Variants in MYO5C observed in about 807,000 individuals in gnomAD.
MYO5C encodes unconventional myosin-Vc.
In MYO5C, 194 loss-of-function variants were observed where a neutral mutation model predicts 235.7. That is an observed-to-expected ratio of 0.82 (90% CI 0.73 to 0.93). The LOEUF (loss-of-function observed/expected upper bound fraction) is 0.93. MYO5C is among the 40% of genes least tolerant of loss of function. The probability of loss-of-function intolerance (pLI) is 0.00; values close to 1 mark genes in which losing one functional copy is unlikely to be tolerated. For synonymous variants in MYO5C, 707 were observed against 754.8 expected (o/e 0.94, Z 1.04); for missense variants, 2,038 against 2,127.2 (o/e 0.96, Z 0.82).
chr15:52,280,122 G>A (rs1056116363), intron 2 of MYO5C, among the ~76,000 whole-genome samples: 9 of 152,244 alleles, frequency 5.9e-5, no homozygotes, highest in Admixed American at 5.2e-4. Flanking sequence ...AAATGACACA[G>A]TGACCTACGG....
At chr15:52,259,632 G>A (rs972196004) in intron 10 of MYO5C, among the ~76,000 whole-genome samples, 1 of 152,160 alleles carries the variant, frequency 6.6e-6, no homozygotes, top group African/African-American at 2.4e-5. Flanking sequence ...ACACTTTCTG[G>A]GAAGAAGACA....
intron 21 of MYO5C, among the ~76,000 whole-genome samples, chr15:52,238,877 G>C (rs1051497080): frequency 6.6e-6 from 1 of 151,676 alleles, no homozygotes; most frequent in South Asian, 2.1e-4. Flanking sequence ...TCCTGACCTC[G>C]TGATCCACCC....
chr15:52,272,822 G>A lies in MYO5C; in HGVS notation c.607-99C>T, dbSNP rs1231548739. On this transcript the variant is annotated intron_variant, in intron 5 of 40. Coordinates refer to ENST00000261839, the MANE Select transcript of MYO5C (RefSeq NM_018728.4). ...AGTAAAAGGCAATCCTGTACCCTAG[G>A]GGAAGGTCTGATTGGCAGAGGGAAG... 3.3e-6 allele frequency: 4 copies of A among 1,219,440 alleles called. No individual in the cohort carries two copies. In the African/African-American group the frequency reaches 6.1e-5, roughly 19 times the overall value. The allele number at this position is 1,219,440 out of a possible 1,614,324, so 75.5% of individuals were successfully genotyped here. A position where few individuals can be genotyped will look rare whatever the true frequency, so the allele number is the denominator to read the frequency against.
chr15:52,259,063 A>G (rs533831624), intron 10 of MYO5C, among the ~76,000 whole-genome samples: 5 of 152,256 alleles, frequency 3.3e-5, no homozygotes, highest in African/African-American at 1.2e-4. Context: ...GGAGCCGTAC[A>G]TCTATGCTGT....
Position 52,237,494 on chromosome 15 carries a change from A to G in MYO5C, c.2856T>C (p.Asp952=). ...GCCCGCAGCTGACCTCTTCCACAGC[A>G]TCCCTGTATCTCTTCCCCTTCTCCT... ...NYEEKGKRYR[D]AVEEKLAKLQ... is the part of the protein sequence containing the mutation. The change falls in exon 22 of 41, where the codon GAT becomes GAC. Residue 952 remains aspartate, a synonymous_variant. Transcript: ENST00000261839. 1 of 1,614,032 alleles carries G rather than the reference A, an allele frequency of 6.2e-7. No individual in the cohort carries two copies. The highest frequency in any genetic ancestry group is 8.5e-7 in the Non-Finnish European group (1 of 1,179,938).
rs781715723 is a variant in MYO5C at position 52,218,516 on chromosome 15, C to T, written c.3954+3G>A. 1.9e-6 allele frequency: 3 copies of T among 1,613,944 alleles called. No homozygotes were observed. The highest frequency in any genetic ancestry group is 3.3e-5 in the Admixed American group (2 of 60,006). On this transcript the variant is annotated splice_donor_region_variant and intron_variant, in intron 32 of 40. Coordinates refer to ENST00000261839, the MANE Select transcript of MYO5C (RefSeq NM_018728.4). ...TTTATCACCAAGTTAGAAGACTTCTCACCCTGTTTTCCAAAGTGAGCCGGG... is the reference window on the plus strand; with the variant it reads ...TTTATCACCAAGTTAGAAGACTTCTTACCCTGTTTTCCAAAGTGAGCCGGG...
At position 52,245,353 on chromosome 15, in the gene MYO5C, C is replaced by T; in HGVS notation, c.2178+1G>A. ...TGATCCCAGGAGGTGGGGAAACTGA[C>T]CTGGATGAGTCTGTGTAAAACCACC... On this transcript the variant is annotated splice_donor_variant, in intron 18 of 40. Transcript: ENST00000261839. LOFTEE classifies it high-confidence loss of function. 3 of 1,607,258 alleles carry T rather than the reference C, an allele frequency of 1.9e-6. No homozygotes were observed. The highest frequency in any genetic ancestry group is 2.6e-6 in the Non-Finnish European group (3 of 1,173,766).
In MYO5C at chr15:52,291,731, GTTTT is replaced by G. The variant is rs1196328559; in HGVS notation, c.27+3875_27+3878del. On this transcript the variant is annotated intron_variant, in intron 1 of 40. Transcript: ENST00000261839. ...TTTTTTCTTTGTTTGCATATTTTATGTTTTTTTTTTTTTTTTTTTTTTTTTGAGA... is the reference window on the plus strand; with the variant it reads ...TTTTTTCTTTGTTTGCATATTTTATGTTTTTTTTTTTTTTTTTTTTTGAGA... Among the ~76,000 whole-genome samples, 190 of 52,542 alleles carry G rather than the reference GTTTT, an allele frequency of 3.6e-3. 1 individual carries two copies. The highest frequency in any genetic ancestry group is 0.012 in the East Asian group (30 of 2,498). 34.5% of individuals were successfully genotyped at this position (52,542 alleles called of 152,430 possible). A position where few individuals can be genotyped will look rare whatever the true frequency, so the allele number is the denominator to read the frequency against.
chr15:52,225,957 G>A (rs1192134689), intron 25 of MYO5C, among the ~76,000 whole-genome samples: 3 of 152,026 alleles, frequency 2.0e-5, no homozygotes, highest in Non-Finnish European at 4.4e-5. Context: ...GGCTGAGGCA[G>A]GAGAATCGCT....
chr15:52,253,951 T>C (rs1173600154), intron 11 of MYO5C, among the ~76,000 whole-genome samples: 1 of 117,752 alleles, frequency 8.5e-6, no homozygotes, highest in Non-Finnish European at 1.6e-5. Context: ...AGGCTTACCA[T>C]GGAGGATGAA....
intron 35 of MYO5C, among the ~76,000 whole-genome samples, chr15:52,210,486 G>A (rs925216832): frequency 6.6e-6 from 1 of 152,042 alleles, no homozygotes. Context: ...TCCCAGAAAC[G>A]GGTACTTTTT....
chr15:52,279,680 G>T lies in MYO5C; in HGVS notation c.139-6C>A. On this transcript the variant is annotated splice_polypyrimidine_tract_variant and splice_region_variant and intron_variant, in intron 2 of 40. Coordinates refer to ENST00000261839, the MANE Select transcript of MYO5C (RefSeq NM_018728.4). Reference sequence around the variant, plus strand: ...TTGACAGAATAATCCAGCTCCTATGGACAAAGATAAAAATTAAAGCTCTGG... The same window carrying T: ...TTGACAGAATAATCCAGCTCCTATGTACAAAGATAAAAATTAAAGCTCTGG... 2 of 1,600,438 alleles carry T rather than the reference G, an allele frequency of 1.2e-6. No individual in the cohort carries two copies. Among genetic ancestry groups the T allele is most frequent in the Non-Finnish European group, 1.7e-6 (2 of 1,169,092 alleles).
At chr15:52,275,359 T>C (rs1272897134) in intron 5 of MYO5C, among the ~76,000 whole-genome samples, 1 of 152,172 alleles carries the variant, frequency 6.6e-6, no homozygotes, top group African/African-American at 2.4e-5. Flanking sequence ...GCCCAGCAGG[T>C]AGAGCAGAAG....
intron 21 of MYO5C, 44 bp downstream of exon 21, chr15:52,239,689 A>G (rs750861974): frequency 4.5e-6 from 7 of 1,552,848 alleles, no homozygotes; most frequent in Non-Finnish European, 6.1e-6. Context: ...AACTACAGCC[A>G]TGTAAGAAAA....
intron 37 of MYO5C, 81 bp downstream of exon 37, chr15:52,205,735 C>T (rs2035297363): frequency 3.6e-6 from 3 of 834,974 alleles, no homozygotes; most frequent in Non-Finnish European, 5.4e-6. Context: ...CACATAATCA[C>T]ACATTACACA....
intron 13 of MYO5C, among the ~76,000 whole-genome samples, chr15:52,249,984 T>C (rs1288761730): frequency 1.3e-5 from 2 of 152,182 alleles, no homozygotes; most frequent in Non-Finnish European, 2.9e-5. Context: ...GGGAGACTTC[T>C]TGGAAGTGGC....
At position 52,263,500 on chromosome 15, in the gene MYO5C, T is replaced by C. The variant is rs146204946; in HGVS notation, c.1047+690A>G. Among the ~76,000 whole-genome samples the C allele has an allele frequency of 4.9e-3, 739 of 152,276 alleles. 3 individuals carry two copies. Among genetic ancestry groups the C allele is most frequent in the African/African-American group, 0.017 (708 of 41,536 alleles). On this transcript the variant is annotated intron_variant, in intron 9 of 40. Coordinates refer to ENST00000261839, the MANE Select transcript of MYO5C (RefSeq NM_018728.4). ...TAGTGGGTGTCCTTCTGCTGAAAAC[T>C]ACCCAGTGCCCTTAAGGTCCTATGT...
At chr15:52,222,330 T>C (rs1375688475) in intron 29 of MYO5C, among the ~76,000 whole-genome samples, 1 of 152,152 alleles carries the variant, frequency 6.6e-6, no homozygotes, top group Non-Finnish European at 1.5e-5. Flanking sequence ...CCCACTACCG[T>C]TCCCTGTGTC....
chr15:52,291,599 C>T (rs906684178), intron 1 of MYO5C, among the ~76,000 whole-genome samples: 1 of 152,098 alleles, frequency 6.6e-6, no homozygotes, highest in African/African-American at 2.4e-5. Context: ...GGGACCAAAA[C>T]TAGCGGCCAA....
Sources: gnomAD v4.1 joint callset for allele counts (sites outside exome capture counted in the v4.1 genomes callset) on GRCh38, gnomAD v4.1.1 for gene constraint, MANE v1.5 for transcripts, NCBI Gene and HGNC (gene_info 2026-07-23, HGNC 2026-07-21) for gene names.